The following FAM13C variants were observed in gnomAD, a reference collection of about 807,000 sequenced individuals.
FAM13C encodes the protein protein FAM13C.
A neutral mutation model predicts 73.2 loss-of-function variants in FAM13C; 37 were observed. The ratio of observed to expected loss-of-function variants is 0.51; its 90% confidence interval spans 0.39 to 0.67. The LOEUF is 0.67. Ranked by LOEUF, FAM13C falls within the 30% of genes least tolerant of loss-of-function variation. FAM13C has a pLI of 0.00. For synonymous variants in FAM13C, 246 were observed against 260.9 expected (o/e 0.94, Z 0.55); for missense variants, 589 against 715.6 (o/e 0.82, Z 2.02).
At chr10:59,257,562 G>A (rs868029914) in intron 10 of FAM13C, among the ~76,000 whole-genome samples, 1 of 152,210 alleles carries the variant, frequency 6.6e-6, no homozygotes, top group African/African-American at 2.4e-5. Flanking sequence ...TGGACAGTGA[G>A]CAATGGAAAA....
At chr10:59,253,427 G>A (rs996128115) in intron 11 of FAM13C, among the ~76,000 whole-genome samples, 11 of 152,210 alleles carry the variant, frequency 7.2e-5, no homozygotes, top group Admixed American at 3.9e-4. Context: ...TCAGGTCCCA[G>A]TGGGGACCAA....
chr10:59,345,033 G>T (rs116724239), intron 3 of FAM13C, among the ~76,000 whole-genome samples: 2 of 152,104 alleles, frequency 1.3e-5, no homozygotes, highest in African/African-American at 4.8e-5. Flanking sequence ...AGGAAAAACC[G>T]TAAATTCTTT....
At position 59,247,656 on chromosome 10, in the gene FAM13C, T is replaced by C; in HGVS notation, c.1716A>G (p.Leu572=). The change falls in exon 14 of 14, where the codon TTA becomes TTG. Residue 572 remains leucine (L), a synonymous_variant. Transcript: ENST00000618804. ...YKHIKAKLRL[L]EVLISKQDVA... is the part of the protein sequence containing the mutation. ...CATCTTGCTTGCTGATGAGGACCTC[T>C]AATAGTCTCAGTTTGGCTTTTATGT... The C allele has an allele frequency of 6.2e-7, 1 of 1,613,590 alleles. No homozygotes were observed. The highest frequency in any genetic ancestry group is 8.5e-7 in the Non-Finnish European group (1 of 1,179,694).
intron 3 of FAM13C, among the ~76,000 whole-genome samples, 188 bp from the exon 4 acceptor site, chr10:59,324,294 A>C (rs1850783077): frequency 6.6e-6 from 1 of 152,210 alleles, no homozygotes; most frequent in Non-Finnish European, 1.5e-5. Context: ...AGTTGCTGCA[A>C]GATTACAGAA....
chr10:59,288,334 A>G (rs541862658), intron 5 of FAM13C, among the ~76,000 whole-genome samples: 24 of 152,274 alleles, frequency 1.6e-4, no homozygotes, highest in African/African-American at 5.5e-4. Context: ...TCTACTAAAA[A>G]TATAAAACTT....
rs759756641 is a variant in FAM13C at position 59,262,628 on chromosome 10, A to G, written c.1042T>C (p.Ser348Pro). The change falls in exon 10 of 14, where the codon TCA becomes CCA. Residue 348 changes from serine (S) to proline (P), a missense_variant. By Grantham distance (74) the Ser-to-Pro change is moderately conservative (BLOSUM62 -1). Transcript: ENST00000618804. The part of the protein sequence containing the change: ...KQLKELKLKL[S>P]EEQGSAPKGP... ...TTGGGAGCACTCCCTTGTTCTTCTG[A>G]CAGCTTTAGCTTTAGTTCTAAGAGA... The G allele has an allele frequency of 6.2e-7, 1 of 1,613,598 alleles. No homozygotes were observed. Among genetic ancestry groups the G allele is most frequent in the Non-Finnish European group, 8.5e-7 (1 of 1,179,658 alleles).
chr10:59,269,417 T>TACACACACACACACACACACAC (rs10532470), intron 7 of FAM13C, among the ~76,000 whole-genome samples: 4 of 146,552 alleles, frequency 2.7e-5, no homozygotes, highest in African/African-American at 1.0e-4. Context: ...GGCATCCGAT[T>TACACACACACACACACACACAC]ACACACACAC....
chr10:59,281,399 C>CTGCCTGTCACTTTGGCAATA (rs1369582208), intron 6 of FAM13C, among the ~76,000 whole-genome samples: 4 of 152,186 alleles, frequency 2.6e-5, no homozygotes, highest in African/African-American at 9.7e-5. Flanking sequence ...CACCTTACAA[C>CTGCCTGTCACTTTGGCAATA]TGCCTGTCAC....
chr10:59,268,217 AAAAAAG>A lies in FAM13C; in HGVS notation c.942+330_942+335del, dbSNP rs542337603. On this transcript the variant is annotated intron_variant, in intron 8 of 13. Transcript: ENST00000618804. ...AATTGAGAAAAAGTGAAAAAAAAAG[AAAAAAG>A]AAAAAGAAGAAGAAGAAGAAGAAGA... is the stretch of plus-strand genomic sequence containing the variant. Among the ~76,000 whole-genome samples the A allele has an allele frequency of 1.4e-4, 20 of 143,440 alleles. No individual in the cohort carries two copies. The East Asian group carries it at 2.0e-3, about 14-fold the overall frequency. 94.1% of individuals were successfully genotyped at this position (143,440 alleles called of 152,430 possible).
At chr10:59,267,319 C>T (rs1162797014) in intron 8 of FAM13C, among the ~76,000 whole-genome samples, 1 of 152,186 alleles carries the variant, frequency 6.6e-6, no homozygotes, top group Non-Finnish European at 1.5e-5. Context: ...TATTGCAGAA[C>T]CTACTCATCT....
chr10:59,262,533 C>T lies in FAM13C; in HGVS notation c.1137G>A (p.Ala379=), dbSNP rs113016699. ...CTCCAGAGGAGCTTGGCTCCGGGCC[C>T]GCAGCTTCCGGTTTCCCATTTTCTC... ...VPRENGKPEA[A]GPEPSSSGEE... Residue 379 remains alanine, a synonymous_variant, in exon 10 of 14, where the codon GCG becomes GCA. Coordinates refer to ENST00000618804, the MANE Select transcript of FAM13C (RefSeq NM_198215.4). 4.5e-5 allele frequency: 73 copies of T among 1,613,748 alleles called. No homozygotes were observed. The African/African-American group carries it at 8.0e-4, about 18-fold the overall frequency.
rs138654269 is a variant in FAM13C at position 59,284,421 on chromosome 10, C to T, written c.508-974G>A. On this transcript the variant is annotated intron_variant, in intron 5 of 13. Transcript: ENST00000618804. ...CTCCCAGCTCCAGCAGGGGTGGGCA[C>T]CGGGAGCAGAGCCACTGGTCCTTTC... Among the ~76,000 whole-genome samples, 517 of 152,010 alleles carry T rather than the reference C, an allele frequency of 3.4e-3. 4 individuals carry two copies. The highest frequency in any genetic ancestry group is 0.011 in the African/African-American group (474 of 41,420).
At chr10:59,323,952 C>CTGAGA in intron 4 of FAM13C, 36 bp downstream of exon 4, 1 of 1,561,650 alleles carries the variant, frequency 6.4e-7, no homozygotes, top group Non-Finnish European at 8.8e-7. Context: ...AAAGGAACCA[C>CTGAGA]AAGCACAGAA....
chr10:59,288,977 C>T (rs753052573), intron 5 of FAM13C, among the ~76,000 whole-genome samples: 30 of 151,972 alleles, frequency 2.0e-4, no homozygotes, highest in African/African-American at 2.4e-4. Flanking sequence ...GACAAGGGGA[C>T]GGGGAGATTT....
At chr10:59,325,134 C>A (rs181083465) in intron 3 of FAM13C, among the ~76,000 whole-genome samples, 1 of 152,220 alleles carries the variant, frequency 6.6e-6, no homozygotes, top group African/African-American at 2.4e-5. Flanking sequence ...ATCATACAGG[C>A]AAATTATTCA....
intron 6 of FAM13C, among the ~76,000 whole-genome samples, chr10:59,279,193 A>T: frequency 6.6e-6 from 1 of 152,282 alleles, no homozygotes; most frequent in South Asian, 2.1e-4. Context: ...CCTCATCTTT[A>T]TATTTTAATT....
At chr10:59,336,876 C>A (rs1283013264) in intron 3 of FAM13C, among the ~76,000 whole-genome samples, 3 of 152,176 alleles carry the variant, frequency 2.0e-5, no homozygotes, top group Non-Finnish European at 4.4e-5. Context: ...TACAATCCAG[C>A]CTCTACAAAC....
At chr10:59,358,317 G>A (rs1855968321) in intron 1 of FAM13C, among the ~76,000 whole-genome samples, 1 of 152,190 alleles carries the variant, frequency 6.6e-6, no homozygotes, top group South Asian at 2.1e-4. Flanking sequence ...GGTGGAGGCT[G>A]TAGTGAGCCG....
At chr10:59,316,856 T>C (rs999823251) in intron 4 of FAM13C, among the ~76,000 whole-genome samples, 5 of 152,206 alleles carry the variant, frequency 3.3e-5, no homozygotes, top group African/African-American at 9.6e-5. Context: ...GAAAAGAGAA[T>C]ATTAAGCAGG....
Sources: allele counts gnomAD v4.1 joint callset (sites outside exome capture counted in the v4.1 genomes callset), GRCh38; gene constraint gnomAD v4.1.1; transcripts MANE v1.5; gene names NCBI Gene and HGNC (gene_info 2026-07-23, HGNC 2026-07-21).